FMN1: variants seen among roughly 807,000 people sequenced by gnomAD.
FMN1 encodes the protein formin 1.
A neutral mutation model predicts 132.4 loss-of-function variants in FMN1; 110 were observed. That is an observed-to-expected ratio of 0.83 (90% CI 0.71 to 0.97). The LOEUF is 0.97. Ranked by LOEUF, FMN1 falls within the 50% of genes least tolerant of loss-of-function variation. The pLI, the probability that FMN1 is intolerant of heterozygous loss-of-function variation, is 0.00. For synonymous variants in FMN1, 722 were observed against 651.7 expected, an observed-to-expected ratio of 1.11 and a Z score of -1.64; for missense variants, 1,792 against 1,705.3, an observed-to-expected ratio of 1.05 and a Z score of -0.90.
chr15:32,813,084 A>T (rs902922093), intron 17 of FMN1, among the ~76,000 whole-genome samples: 1 of 152,194 alleles, frequency 6.6e-6, no homozygotes, highest in African/African-American at 2.4e-5. Context: ...AACTAGTTAT[A>T]TAGCATTTAC....
chr15:32,888,045 G>T, intron 16 of FMN1, 127 bp downstream of exon 16: 1 of 673,936 alleles, frequency 1.5e-6, no homozygotes, highest in Non-Finnish European at 2.3e-6. Context: ...TTTCCTGAAA[G>T]CTGTAGTGTA....
At chr15:32,927,517 C>T (rs2060991279) in intron 9 of FMN1, among the ~76,000 whole-genome samples, 1 of 152,136 alleles carries the variant, frequency 6.6e-6, no homozygotes, top group African/African-American at 2.4e-5. Context: ...CCTTGGTCTC[C>T]CAAATTATTG....
At chr15:32,907,808 A>C (rs2060463215) in intron 12 of FMN1, among the ~76,000 whole-genome samples, 1 of 150,764 alleles carries the variant, frequency 6.6e-6, no homozygotes, top group African/African-American at 2.4e-5. Context: ...ACAGTCTCAC[A>C]GAGTCCTAAG....
At chr15:33,174,825 A>G (rs987634933) in intron 3 of FMN1, among the ~76,000 whole-genome samples, 1 of 152,216 alleles carries the variant, frequency 6.6e-6, no homozygotes, top group Non-Finnish European at 1.5e-5. Flanking sequence ...TAGCGGGACA[A>G]TCAGAAATCT....
intron 15 of FMN1, among the ~76,000 whole-genome samples, chr15:32,888,989 G>A (rs1172326619): frequency 6.6e-6 from 1 of 151,802 alleles, no homozygotes; most frequent in Non-Finnish European, 1.5e-5. Context: ...CTATTAGCTG[G>A]GACCACAGGT....
At chr15:32,843,615 C>T (rs769584496) in intron 17 of FMN1, among the ~76,000 whole-genome samples, 1 of 152,172 alleles carries the variant, frequency 6.6e-6, no homozygotes, top group Non-Finnish European at 1.5e-5. Context: ...TACTATATTA[C>T]AATTACTCAC....
chr15:32,931,633 T>C (rs1221626678), intron 9 of FMN1, among the ~76,000 whole-genome samples: 1 of 152,192 alleles, frequency 6.6e-6, no homozygotes, highest in African/African-American at 2.4e-5. Context: ...ACATATAAGA[T>C]CATATCTGTG....
intron 7 of FMN1, among the ~76,000 whole-genome samples, chr15:32,982,929 A>AGC (rs1427342071): frequency 6.6e-6 from 1 of 152,116 alleles, no homozygotes; most frequent in Admixed American, 6.5e-5. Flanking sequence ...GGAACTTATC[A>AGC]GCGTCCATCA....
intron 6 of FMN1, among the ~76,000 whole-genome samples, chr15:33,018,873 G>A (rs1335580548): frequency 1.3e-5 from 2 of 152,166 alleles, no homozygotes; most frequent in Non-Finnish European, 2.9e-5. Flanking sequence ...GTCTGGAGTT[G>A]TTCGATCCTC....
chr15:32,997,321 CT>C (rs113292190), intron 7 of FMN1, among the ~76,000 whole-genome samples: 1,539 of 142,732 alleles, frequency 0.011, 9 homozygotes, highest in African/African-American at 0.024. Flanking sequence ...ATATCACCGT[CT>C]TTTTTTTTTT....
chr15:33,174,872 A>G (rs1232825598), intron 3 of FMN1, among the ~76,000 whole-genome samples: 1 of 152,228 alleles, frequency 6.6e-6, no homozygotes, highest in Non-Finnish European at 1.5e-5. Context: ...CAACAAGCCA[A>G]GTGCAATTCT....
intron 5 of FMN1, among the ~76,000 whole-genome samples, chr15:33,074,821 G>A (rs1311681026): frequency 2.0e-5 from 3 of 151,852 alleles, no homozygotes; most frequent in Non-Finnish European, 4.4e-5. Flanking sequence ...TTCAAGACCA[G>A]CCTGGTCAAG....
intron 2 of FMN1, among the ~76,000 whole-genome samples, chr15:33,190,781 C>G (rs902119107): frequency 2.2e-4 from 34 of 152,190 alleles, no homozygotes; most frequent in Non-Finnish European, 4.4e-5. Flanking sequence ...TCCTGCCCCA[C>G]TTTTACAGCC....
chr15:32,772,071 T>G lies in FMN1; in HGVS notation c.*2239A>C, dbSNP rs2056264838. ...CCCAACCGAGGCAGGCAAACCTTGC[T>G]TTGTAGAAATAGGTATTTTACTGCA... On this transcript the variant is annotated 3_prime_UTR_variant, in exon 21 of 21. Transcript: ENST00000616417. 6.6e-6 allele frequency: 1 copy of G among 152,194 alleles called. No homozygotes were observed. The highest frequency in any genetic ancestry group is 2.4e-5 in the African/African-American group (1 of 41,446). 9.4% of individuals were successfully genotyped at this position (152,194 alleles called of 1,614,324 possible). A position where few individuals can be genotyped will look rare whatever the true frequency, so the allele number is the denominator to read the frequency against.
chr15:33,131,942 AC>A (rs1963566868), intron 4 of FMN1, among the ~76,000 whole-genome samples: 1 of 152,216 alleles, frequency 6.6e-6, no homozygotes, highest in South Asian at 2.1e-4. Context: ...ACCTGCTTTG[AC>A]CCTCTCTACA....
At position 32,864,568 on chromosome 15, in the gene FMN1, C is replaced by T. The variant is rs192089213; in HGVS notation, c.3836-7461G>A. On this transcript the variant is annotated intron_variant, in intron 16 of 20. Coordinates refer to ENST00000616417, the MANE Select transcript of FMN1 (RefSeq NM_001277313.2). ...AATTTTTCCTCCTAATGACTCTATT[C>T]ATCCAAAGGCAAGACACTATATTTA... Among the ~76,000 whole-genome samples, 9 of 152,290 alleles carry T rather than the reference C, an allele frequency of 5.9e-5. No individual in the cohort carries two copies. In the East Asian group the frequency reaches 1.7e-3, roughly 29 times the overall value.
chr15:33,137,223 A>G (rs1245620311), intron 4 of FMN1, among the ~76,000 whole-genome samples: 2 of 152,100 alleles, frequency 1.3e-5, no homozygotes, highest in Non-Finnish European at 2.9e-5. Flanking sequence ...ATGTCACTGA[A>G]ATTGGTGGTT....
chr15:32,798,955 T>C lies in FMN1; in HGVS notation c.3981-2A>G. 6.2e-7 allele frequency: 1 copy of C among 1,612,472 alleles called. No homozygotes were observed. The highest frequency in any genetic ancestry group is 8.5e-7 in the Non-Finnish European group (1 of 1,179,446). On this transcript the variant is annotated splice_acceptor_variant, in intron 18 of 20. Coordinates refer to ENST00000616417, the MANE Select transcript of FMN1 (RefSeq NM_001277313.2). LOFTEE classifies it high-confidence loss of function. ...AAATATCGTACTGTTGTTTCAAAAC[T>C]GCAACAGGTAGGGGGGAAAATGGAA...
chr15:32,793,584 C>A (rs957303713), intron 19 of FMN1, among the ~76,000 whole-genome samples: 9 of 152,094 alleles, frequency 5.9e-5, no homozygotes, highest in African/African-American at 1.9e-4. Flanking sequence ...CCCGGCTGTT[C>A]TTTGTGATTA....
Sources: gnomAD v4.1 joint callset for allele counts (sites outside exome capture counted in the v4.1 genomes callset) on GRCh38, gnomAD v4.1.1 for gene constraint, MANE v1.5 for transcripts, NCBI Gene and HGNC (gene_info 2026-07-23, HGNC 2026-07-21) for gene names.